Variants in FYB1 observed in about 807,000 individuals in gnomAD.
FYB1 encodes the protein FYN-binding protein 1.
FYB1 carries 41 observed loss-of-function variants against 94.1 expected under a neutral mutation model. That is an observed-to-expected ratio of 0.44 (90% CI 0.34 to 0.57). The LOEUF (loss-of-function observed/expected upper bound fraction) is 0.57, where lower values mean the gene tolerates loss of function less well. Among genes scored for constraint, FYB1 ranks in the 20% least tolerant of loss-of-function variants. The probability of loss-of-function intolerance (pLI) is 0.02; values close to 1 mark genes in which losing one functional copy is unlikely to be tolerated. For missense variants in FYB1, 1,050 were observed against 976.8 expected, an observed-to-expected ratio of 1.07 and a Z score of -1.00; for synonymous variants, 367 against 353.2, an observed-to-expected ratio of 1.04 and a Z score of -0.44.
chr5:39,217,968 T>C (rs974754754), intron 1 of FYB1, among the ~76,000 whole-genome samples: 3 of 152,190 alleles, frequency 2.0e-5, no homozygotes, highest in African/African-American at 7.2e-5. Flanking sequence ...CCACTAGATG[T>C]CAGTGTGATT....
intron 2 of FYB1, among the ~76,000 whole-genome samples, chr5:39,184,449 G>A (rs834254): frequency 0.17 from 25,346 of 152,054 alleles, 2,393 homozygotes; most frequent in Non-Finnish European, 0.21. Flanking sequence ...AAAGTTAAAC[G>A]GGCTATTTTG....
chr5:39,207,610 T>C (rs1396158420), intron 1 of FYB1, among the ~76,000 whole-genome samples: 1 of 152,248 alleles, frequency 6.6e-6, no homozygotes, highest in African/African-American at 2.4e-5. Context: ...AAATCGTCCC[T>C]TTTGTAGTCA....
intron 3 of FYB1, among the ~76,000 whole-genome samples, chr5:39,142,493 AC>A (rs1742277830): frequency 6.6e-6 from 1 of 151,922 alleles, no homozygotes. Context: ...TCCATTGATT[AC>A]CCCCTTTCTT....
At chr5:39,145,939 G>A (rs980074071) in intron 3 of FYB1, among the ~76,000 whole-genome samples, 2 of 149,144 alleles carry the variant, frequency 1.3e-5, no homozygotes, top group African/African-American at 5.0e-5. Flanking sequence ...TTAAGACAGA[G>A]TCTCACTCTG....
At chr5:39,117,269 A>G (rs1332730828) in intron 16 of FYB1, among the ~76,000 whole-genome samples, 1 of 152,148 alleles carries the variant, frequency 6.6e-6, no homozygotes, top group Non-Finnish European at 1.5e-5. Context: ...TTTTTCTACC[A>G]TATGTCATGA....
chr5:39,268,669 C>A (rs554650741), intron 1 of FYB1, among the ~76,000 whole-genome samples: 1 of 152,020 alleles, frequency 6.6e-6, no homozygotes, highest in Non-Finnish European at 1.5e-5. Flanking sequence ...CAGGTTCAAG[C>A]GATTCTGCTC....
At chr5:39,141,340 CTG>C (rs1369137834) in intron 3 of FYB1, among the ~76,000 whole-genome samples, 199 bp from the exon 4 acceptor site, 8 of 152,212 alleles carry the variant, frequency 5.3e-5, no homozygotes, top group Admixed American at 4.6e-4. Flanking sequence ...AATTGGGAAA[CTG>C]GAGTATAGCA....
At chr5:39,173,848 T>G (rs1264812761) in intron 2 of FYB1, among the ~76,000 whole-genome samples, 1 of 152,202 alleles carries the variant, frequency 6.6e-6, no homozygotes, top group East Asian at 1.9e-4. Context: ...TACTGTAACC[T>G]TATAGTATAG....
intron 2 of FYB1, among the ~76,000 whole-genome samples, chr5:39,180,925 A>C (rs755433571): frequency 6.6e-6 from 1 of 152,204 alleles, no homozygotes; most frequent in Admixed American, 6.5e-5. Flanking sequence ...TATATAAAAG[A>C]TTACTTTTCC....
chr5:39,270,733 T>C, intron 1 of FYB1: 1 of 537,114 alleles, frequency 1.9e-6, no homozygotes, highest in Non-Finnish European at 3.2e-6. Context: ...CATTTGCATG[T>C]TATCTCAACC....
chr5:39,148,364 C>G (rs1382095309), intron 3 of FYB1, among the ~76,000 whole-genome samples: 1 of 56,088 alleles, frequency 1.8e-5, no homozygotes, highest in Non-Finnish European at 3.8e-5. Context: ...ATGCATTTAG[C>G]TTTTAATTAT....
intron 2 of FYB1, among the ~76,000 whole-genome samples, chr5:39,187,643 T>A (rs1746959557): frequency 6.6e-6 from 1 of 152,170 alleles, no homozygotes; most frequent in African/African-American, 2.4e-5. Context: ...GGAAGGGGTA[T>A]CACCAAGCAT....
intron 1 of FYB1, among the ~76,000 whole-genome samples, chr5:39,225,394 A>G (rs557008347): frequency 2.6e-4 from 39 of 152,318 alleles, no homozygotes; most frequent in African/African-American, 9.4e-4. Flanking sequence ...ACTAACATCT[A>G]AGTAAAGACT....
chr5:39,246,229 G>C (rs908527716), intron 1 of FYB1, among the ~76,000 whole-genome samples: 1 of 152,088 alleles, frequency 6.6e-6, no homozygotes, highest in African/African-American at 2.4e-5. Context: ...GTGGCAAAGA[G>C]AGACCCTAAC....
chr5:39,185,993 A>C (rs192284246), intron 2 of FYB1, among the ~76,000 whole-genome samples: 2,283 of 152,182 alleles, frequency 0.015, 25 homozygotes, highest in Non-Finnish European at 0.023. Flanking sequence ...CTTGTCCAGG[A>C]GGAAAGAGGA....
chr5:39,180,847 C>T lies in FYB1; in HGVS notation c.1135+20979G>A, dbSNP rs1208007876. 2.6e-5 allele frequency among the ~76,000 whole-genome samples: 4 copies of T among 152,122 alleles called. No individual in the cohort carries two copies. In the East Asian group the frequency reaches 7.7e-4, roughly 29 times the overall value. On this transcript the variant is annotated intron_variant, in intron 2 of 18. Transcript: ENST00000512982. ...CCCTTTTATTGAAGCAGTCTTGTGA[C>T]CAGGCTATATTACCACCGTACATTT...
intron 1 of FYB1, among the ~76,000 whole-genome samples, chr5:39,236,636 A>G (rs1436524952): frequency 6.6e-6 from 1 of 152,182 alleles, no homozygotes; most frequent in Non-Finnish European, 1.5e-5. Context: ...CTACATAACA[A>G]TGAAGAATCA....
chr5:39,188,633 C>T (rs772237556), intron 2 of FYB1, among the ~76,000 whole-genome samples: 6 of 151,564 alleles, frequency 4.0e-5, no homozygotes, highest in Non-Finnish European at 5.9e-5. Context: ...CAACCTCCGC[C>T]TCCGGGGTTC....
intron 16 of FYB1, among the ~76,000 whole-genome samples, chr5:39,118,025 A>G (rs1415548703): frequency 3.3e-5 from 5 of 152,004 alleles, no homozygotes; most frequent in Non-Finnish European, 7.4e-5. Flanking sequence ...TTAGCCTCCC[A>G]AGTAGCTGGG....
Sources: allele counts gnomAD v4.1 joint callset (sites outside exome capture counted in the v4.1 genomes callset), GRCh38; gene constraint gnomAD v4.1.1; transcripts MANE v1.5; gene names NCBI Gene and HGNC (gene_info 2026-07-23, HGNC 2026-07-21).